The following CTNNA3 variants were observed in gnomAD, a reference collection of about 807,000 sequenced individuals.
CTNNA3 encodes the protein catenin alpha-3.
In CTNNA3, 76 loss-of-function variants were observed where a neutral mutation model predicts 95.7. That is an observed-to-expected ratio of 0.79 (90% confidence interval 0.66 to 0.96). The LOEUF (loss-of-function observed/expected upper bound fraction) is 0.96. Ranked by LOEUF, CTNNA3 falls within the 40% of genes least tolerant of loss-of-function variation. The pLI, the probability that CTNNA3 is intolerant of heterozygous loss-of-function variation, is 0.00. For missense variants in CTNNA3, 1,191 were observed against 1,089.8 expected (o/e 1.09, Z -1.31); for synonymous variants, 431 against 374.4 (o/e 1.15, Z -1.74).
chr10:67,358,784 G>T (rs1842904206), intron 5 of CTNNA3, among the ~76,000 whole-genome samples: 1 of 152,070 alleles, frequency 6.6e-6, no homozygotes, highest in Non-Finnish European at 1.5e-5. Context: ...CAAAAGAGAA[G>T]GAGGTGCAGC....
chr10:67,221,734 C>T (rs997781241), intron 5 of CTNNA3, among the ~76,000 whole-genome samples: 2 of 151,890 alleles, frequency 1.3e-5, no homozygotes, highest in African/African-American at 4.8e-5. Context: ...ACCACCACAC[C>T]CAGCTAATTT....
At chr10:66,923,597 T>C (rs956547951) in intron 7 of CTNNA3, among the ~76,000 whole-genome samples, 2 of 152,220 alleles carry the variant, frequency 1.3e-5, no homozygotes, top group Non-Finnish European at 2.9e-5. Context: ...CAAAGGAGAA[T>C]AGTCAAAAGC....
At chr10:66,379,742 T>G (rs764718660) in intron 11 of CTNNA3, among the ~76,000 whole-genome samples, 23 of 152,150 alleles carry the variant, frequency 1.5e-4, no homozygotes, top group Non-Finnish European at 2.8e-4. Flanking sequence ...ATTATAAAAC[T>G]TATATATACA....
At chr10:67,569,964 T>C (rs981348382) in intron 3 of CTNNA3, among the ~76,000 whole-genome samples, 22 of 152,070 alleles carry the variant, frequency 1.4e-4, no homozygotes, top group Non-Finnish European at 2.8e-4. Flanking sequence ...TTTCATTAGT[T>C]CTTTCTTCAC....
Position 67,673,076 on chromosome 10 carries a change from A to G in CTNNA3, c.-6+22924T>C, listed in dbSNP as rs535689392. Among the ~76,000 whole-genome samples the G allele has an allele frequency of 3.7e-3, 556 of 151,930 alleles. 5 individuals carry two copies. Among genetic ancestry groups the G allele is most frequent in the African/African-American group, 0.013 (522 of 41,514 alleles). On this transcript the variant is annotated intron_variant, in intron 1 of 17. Transcript: ENST00000433211. ...AGTTCTCCTTGAAGAGGTCCTTCAC[A>G]TCCCTTGTAAGTTGGATTCCCAGGT...
chr10:67,481,841 G>C (rs910238512), intron 5 of CTNNA3, among the ~76,000 whole-genome samples: 1 of 152,068 alleles, frequency 6.6e-6, no homozygotes, highest in South Asian at 2.1e-4. Context: ...TGTCCTGAAT[G>C]GTAATGCCTA....
chr10:66,009,073 C>T (rs1177668816), intron 15 of CTNNA3, among the ~76,000 whole-genome samples: 1 of 151,986 alleles, frequency 6.6e-6, no homozygotes, highest in African/African-American at 2.4e-5. Context: ...GCACTCCAGC[C>T]TGGGTGACAG....
At chr10:66,237,639 G>A (rs2089920141) in intron 13 of CTNNA3, among the ~76,000 whole-genome samples, 1 of 151,798 alleles carries the variant, frequency 6.6e-6, no homozygotes, top group African/African-American at 2.4e-5. Flanking sequence ...TGATTCAGAA[G>A]TTGCCTTTTA....
At chr10:67,429,589 A>G (rs753801394) in intron 5 of CTNNA3, among the ~76,000 whole-genome samples, 4 of 151,974 alleles carry the variant, frequency 2.6e-5, no homozygotes, top group Admixed American at 6.6e-5. Context: ...ATCATTATTT[A>G]TTTCCATTTG....
At chr10:67,423,576 A>T (rs1005350088) in intron 5 of CTNNA3, among the ~76,000 whole-genome samples, 14 of 152,178 alleles carry the variant, frequency 9.2e-5, no homozygotes, top group Non-Finnish European at 1.5e-5. Context: ...AACACTTTTC[A>T]GTTTTAAATC....
intron 1 of CTNNA3, among the ~76,000 whole-genome samples, chr10:67,738,533 TCTC>T (rs934681487): frequency 6.6e-6 from 1 of 152,016 alleles, no homozygotes; most frequent in South Asian, 2.1e-4. Flanking sequence ...TCAGAGTGCC[TCTC>T]CTCCTCCAAA....
intron 7 of CTNNA3, among the ~76,000 whole-genome samples, chr10:67,117,182 T>C (rs1859229385): frequency 6.6e-6 from 1 of 151,972 alleles, no homozygotes; most frequent in African/African-American, 2.4e-5. Flanking sequence ...GCTCACTTCT[T>C]TGGGATTCTG....
At chr10:66,097,605 C>T (rs1335658568) in intron 14 of CTNNA3, among the ~76,000 whole-genome samples, 1 of 152,100 alleles carries the variant, frequency 6.6e-6, no homozygotes, top group African/African-American at 2.4e-5. Context: ...AGTCCATTCT[C>T]TTGACTTATA....
At chr10:67,293,737 A>C (rs1839926346) in intron 5 of CTNNA3, among the ~76,000 whole-genome samples, 1 of 139,846 alleles carries the variant, frequency 7.2e-6, no homozygotes, top group Non-Finnish European at 1.5e-5. Context: ...TCATTGTTCA[A>C]TTCCCACCTA....
intron 7 of CTNNA3, among the ~76,000 whole-genome samples, chr10:66,871,562 CAAAAAAA>C (rs34018938): frequency 1.1e-3 from 107 of 96,430 alleles, no homozygotes; most frequent in Middle Eastern, 0.011. Context: ...AACTCTGTCT[CAAAAAAA>C]AAAAAAAAAA....
intron 15 of CTNNA3, among the ~76,000 whole-genome samples, chr10:66,017,354 C>A (rs905574856): frequency 6.7e-4 from 102 of 152,184 alleles, no homozygotes; most frequent in African/African-American, 2.5e-3. Context: ...GACCACACCA[C>A]CTGATGGACA....
intron 10 of CTNNA3, among the ~76,000 whole-genome samples, chr10:66,565,986 G>A (rs1342659183): frequency 6.6e-6 from 1 of 152,146 alleles, no homozygotes; most frequent in Non-Finnish European, 1.5e-5. Context: ...GAAATCCTGA[G>A]GTCAGGACGA....
At chr10:66,356,122 G>GT (rs59366031) in intron 12 of CTNNA3, among the ~76,000 whole-genome samples, 10,132 of 116,722 alleles carry the variant, frequency 0.087, 509 homozygotes, top group East Asian at 0.23. Flanking sequence ...TGCTTGTTTT[G>GT]TTTTTTTTTT....
rs59359956 is a variant in CTNNA3 at position 66,652,097 on chromosome 10, T to TAA, written c.1282-30315_1282-30314dup. On this transcript the variant is annotated intron_variant, in intron 9 of 17. Transcript: ENST00000433211. The stretch of plus-strand genomic sequence containing the variant: ...AAACAAATGTTACACCTCAAGGAAC[T>TAA]AAAAAAAAAAAAAAAAAAAAAACTA... Among the ~76,000 whole-genome samples the TAA allele has an allele frequency of 5.1e-3, 619 of 122,200 alleles. 5 individuals are homozygous for TAA. The highest frequency in any genetic ancestry group is 8.6e-3 in the Non-Finnish European group (480 of 56,040). 80.2% of individuals were successfully genotyped at this position (122,200 alleles called of 152,430 possible). A position where few individuals can be genotyped will look rare whatever the true frequency, so the allele number is the denominator to read the frequency against.
Sources: allele counts gnomAD v4.1 joint callset (sites outside exome capture counted in the v4.1 genomes callset), GRCh38; gene constraint gnomAD v4.1.1; transcripts MANE v1.5; gene names NCBI Gene and HGNC (gene_info 2026-07-23, HGNC 2026-07-21).